The following ADGRL3 variants were observed in gnomAD, a reference collection of about 807,000 sequenced individuals.
ADGRL3 encodes the protein adhesion G protein-coupled receptor L3, also known as calcium-independent alpha-latrotoxin receptor 3.
Under a neutral mutation model 153.5 loss-of-function variants are expected in ADGRL3, and 62 were observed. That is an observed-to-expected ratio of 0.40 (90% CI 0.33 to 0.50). The LOEUF (loss-of-function observed/expected upper bound fraction) is 0.50, where lower values mean the gene tolerates loss of function less well. Ranked by LOEUF, ADGRL3 falls within the 20% of genes least tolerant of loss-of-function variation. The pLI is 0.47. For missense variants in ADGRL3, 1,641 were observed against 1,859.4 expected, an observed-to-expected ratio of 0.88 and a Z score of 2.16; for synonymous variants, 710 against 672.5, an observed-to-expected ratio of 1.06 and a Z score of -0.86.
intron 8 of ADGRL3, among the ~76,000 whole-genome samples, chr4:61,807,335 C>CT (rs57297844): frequency 3.4e-5 from 5 of 148,714 alleles, no homozygotes; most frequent in Non-Finnish European, 7.5e-5. Context: ...TTTTTTTTAA[C>CT]TTTTTTTTTT....
intron 19 of ADGRL3, among the ~76,000 whole-genome samples, chr4:61,994,980 T>G (rs920292354): frequency 4.6e-5 from 7 of 151,796 alleles, no homozygotes; most frequent in Non-Finnish European, 1.0e-4. Context: ...TGCCGTGATT[T>G]CAGCTCACTA....
At chr4:61,677,482 GT>G in intron 6 of ADGRL3, 2 of 250,634 alleles carry the variant, frequency 8.0e-6, no homozygotes, top group South Asian at 4.3e-5. Context: ...TCTTTGCAAT[GT>G]TTTTATCAGA....
chr4:61,314,891 G>A (rs1332831066), intron 1 of ADGRL3, among the ~76,000 whole-genome samples: 1 of 152,176 alleles, frequency 6.6e-6, no homozygotes, highest in Non-Finnish European at 1.5e-5. Flanking sequence ...ATGTTTATTA[G>A]CTATTTTTAA....
chr4:61,800,475 A>C (rs943867729), intron 8 of ADGRL3, among the ~76,000 whole-genome samples: 1 of 152,116 alleles, frequency 6.6e-6, no homozygotes, highest in African/African-American at 2.4e-5. Context: ...TCTAGTCTGT[A>C]CCATCTTCTT....
intron 2 of ADGRL3, among the ~76,000 whole-genome samples, chr4:61,421,470 TTCTA>T (rs1055337847): frequency 6.6e-6 from 1 of 152,100 alleles, no homozygotes; most frequent in African/African-American, 2.4e-5. Flanking sequence ...CAAGAATAAT[TTCTA>T]TCTCTTTGGC....
intron 2 of ADGRL3, among the ~76,000 whole-genome samples, chr4:61,416,527 T>C (rs2097146733): frequency 6.6e-6 from 1 of 152,198 alleles, no homozygotes; most frequent in African/African-American, 2.4e-5. Flanking sequence ...AGGAGTAATA[T>C]TGCTTCCTAT....
Position 61,224,967 on chromosome 4 carries a change from G to A in ADGRL3, c.-240+23202G>A, listed in dbSNP as rs77931633. Among the ~76,000 whole-genome samples the A allele has an allele frequency of 8.4e-3, 1,274 of 152,206 alleles. 4 individuals are homozygous for A. Among genetic ancestry groups the A allele is most frequent in the Non-Finnish European group, 0.012 (837 of 68,008 alleles). Reference sequence around the variant, plus strand: ...TAATGCCAACCATCCCTGTCTGCACGAACCCTGAGCATTGTGGAGAATGGG... The same window carrying A: ...TAATGCCAACCATCCCTGTCTGCACAAACCCTGAGCATTGTGGAGAATGGG... On this transcript the variant is annotated intron_variant, in intron 1 of 26. Transcript: ENST00000683033.
chr4:61,259,545 A>G (rs2092339310), intron 1 of ADGRL3, among the ~76,000 whole-genome samples: 1 of 152,118 alleles, frequency 6.6e-6, no homozygotes, highest in Non-Finnish European at 1.5e-5. Context: ...CAAACTCAAC[A>G]AAGCAATTGT....
intron 2 of ADGRL3, among the ~76,000 whole-genome samples, chr4:61,453,467 C>T (rs544139444): frequency 1.4e-3 from 211 of 152,158 alleles, no homozygotes; most frequent in African/African-American, 4.6e-3. Flanking sequence ...GTGTTCCGGG[C>T]ACACCTCCTG....
Position 61,733,004 on chromosome 4 carries a change from T to C in ADGRL3, c.849T>C (p.Asp283=), listed in dbSNP as rs1362138132. The C allele has an allele frequency of 6.2e-7, 1 of 1,613,778 alleles. No homozygotes were observed. Residue 283 remains aspartate (D), a synonymous_variant, in exon 8 of 27, where the codon GAT becomes GAC. Coordinates refer to ENST00000683033, the MANE Select transcript of ADGRL3 (RefSeq NM_001387552.1). ...RVDGTGFVVY[D]GALFFNKERT... ...ATGGCACAGGATTTGTAGTGTATGA[T>C]GGAGCTTTGTTCTTCAACAAAGAGC...
intron 5 of ADGRL3, among the ~76,000 whole-genome samples, chr4:61,657,862 G>C (rs2094483715): frequency 6.6e-6 from 1 of 152,150 alleles, no homozygotes. Flanking sequence ...AAATCTCTTA[G>C]GGACTGCAAT....
chr4:61,987,139 ATTTTATTTTATTTAT>A (rs1222295794), intron 19 of ADGRL3, among the ~76,000 whole-genome samples: 5 of 69,710 alleles, frequency 7.2e-5, no homozygotes, highest in African/African-American at 1.2e-4. Flanking sequence ...ATTTTATTTT[ATTTTATTTTATTTAT>A]TTTATTTTAT....
intron 4 of ADGRL3, among the ~76,000 whole-genome samples, chr4:61,584,507 A>G (rs372078068): frequency 6.6e-6 from 1 of 152,016 alleles, no homozygotes; most frequent in Non-Finnish European, 1.5e-5. Flanking sequence ...CCATGAGTTT[A>G]ATAAACCAAA....
chr4:61,945,907 A>C (rs991765853), intron 15 of ADGRL3, among the ~76,000 whole-genome samples: 2 of 151,940 alleles, frequency 1.3e-5, no homozygotes, highest in Non-Finnish European at 2.9e-5. Flanking sequence ...TGCGTCGCTC[A>C]CGCTGGGAGC....
At position 61,912,499 on chromosome 4, in the gene ADGRL3, A is replaced by C. The variant is rs376677650; in HGVS notation, c.2074-220A>C. 7.2e-5 allele frequency among the ~76,000 whole-genome samples: 11 copies of C among 152,246 alleles called. 1 individual carries two copies. The highest frequency in any genetic ancestry group is 4.1e-4 in the South Asian group (2 of 4,830). ...TATCATTAACAACTTTATACCATAG[A>C]GTTTTCACTTAGGTTGTTCTGAAAG... On this transcript the variant is annotated intron_variant, in intron 12 of 26. Transcript: ENST00000683033.
At chr4:61,407,451 C>G (rs1194840972) in intron 2 of ADGRL3, among the ~76,000 whole-genome samples, 1 of 152,020 alleles carries the variant, frequency 6.6e-6, no homozygotes, top group Non-Finnish European at 1.5e-5. Context: ...TTCTTTATAT[C>G]TTATGAAGCC....
At chr4:61,685,294 G>A (rs1033005284) in intron 6 of ADGRL3, among the ~76,000 whole-genome samples, 42 of 152,056 alleles carry the variant, frequency 2.8e-4, no homozygotes, top group African/African-American at 8.9e-4. Flanking sequence ...CAAGTTTATC[G>A]CTGCCTACTA....
rs150280228 is a variant in ADGRL3 at position 61,886,852 on chromosome 4, G to C, written c.1481-5804G>C. Among the ~76,000 whole-genome samples, 990 of 151,140 alleles carry C rather than the reference G, an allele frequency of 6.6e-3. 12 individuals carry two copies. Among genetic ancestry groups the C allele is most frequent in the African/African-American group, 0.022 (921 of 41,146 alleles). ...TAGTAGAGACAGGTTTAGCCATGTT[G>C]GCCAGGCTGGTCTCAAACTCCTGAC... On this transcript the variant is annotated intron_variant, in intron 9 of 26. Coordinates refer to ENST00000683033, the MANE Select transcript of ADGRL3 (RefSeq NM_001387552.1).
rs775104925 is a variant in ADGRL3 at position 61,732,882 on chromosome 4, A to G, written c.727A>G (p.Thr243Ala). Reference sequence around the variant, plus strand: ...TGACAAGATTTATTATATGCCCTGGACTCCCTACAGAACTGATACCCTGAC... The same window carrying G: ...TGACAAGATTTATTATATGCCCTGGGCTCCCTACAGAACTGATACCCTGAC... The part of the protein sequence containing the change: ...ASDKIYYMPW[T>A]PYRTDTLTEY... Residue 243 changes from threonine (T) to alanine (A), a missense_variant, in exon 8 of 27, where the codon ACT becomes GCT. By Grantham distance (58) the Thr-to-Ala change is moderately conservative. Transcript: ENST00000683033. The G allele has an allele frequency of 5.6e-6, 9 of 1,613,554 alleles. No individual in the cohort carries two copies. Among genetic ancestry groups the G allele is most frequent in the Non-Finnish European group, 7.6e-6 (9 of 1,179,794 alleles).
Sources: gnomAD v4.1 joint callset for allele counts (sites outside exome capture counted in the v4.1 genomes callset) on GRCh38, gnomAD v4.1.1 for gene constraint, MANE v1.5 for transcripts, NCBI Gene and HGNC (gene_info 2026-07-23, HGNC 2026-07-21) for gene names.